CTXND1: variants seen among roughly 807,000 people sequenced by gnomAD.
CTXND1 encodes cortexin domain-containing 1 protein.
chr15:80,205,698 T>C (rs1453273039), intron 1 of CTXND1, among the ~76,000 whole-genome samples: 3 of 152,194 alleles, frequency 2.0e-5, no homozygotes, highest in Non-Finnish European at 4.4e-5. Context: ...TTTCTTACTG[T>C]TCCTTACCTT....
chr15:80,237,101 C>A (rs1893507820), intron 1 of CTXND1, among the ~76,000 whole-genome samples: 2 of 151,782 alleles, frequency 1.3e-5, no homozygotes, highest in Non-Finnish European at 2.9e-5. Flanking sequence ...TTTGGGACGC[C>A]AAGGATGGCA....
chr15:80,203,973 C>T (rs28586970), intron 1 of CTXND1, among the ~76,000 whole-genome samples: 35,749 of 149,922 alleles, frequency 0.24, 4,874 homozygotes, highest in Middle Eastern at 0.33. Context: ...AGTTCGAGAC[C>T]AGCATGGTGA....
In CTXND1 at chr15:80,196,101, C is replaced by A. The variant is rs713086; in HGVS notation, c.*5669G>T. 0.23 allele frequency: 34,647 copies of A among 152,108 alleles called. 4,075 individuals are homozygous for A. Among genetic ancestry groups the A allele is most frequent in the East Asian group, 0.29 (1,508 of 5,172 alleles). 9.4% of individuals were successfully genotyped at this position (152,108 alleles called of 1,614,324 possible). ...GGGATTCGCTAGGGCACTTGGTACT[C>A]CCTGTATCCCTTGTCCTCATTCTGT... On this transcript the variant is annotated 3_prime_UTR_variant, in exon 3 of 3. Coordinates refer to ENST00000560778, the MANE Select transcript of CTXND1 (RefSeq NM_001352888.2).
rs1220011924 is a variant in CTXND1, at chr15:80,200,304, G to C, written c.*1466C>G. The C allele has an allele frequency of 6.6e-6, 1 of 152,192 alleles. No individual in the cohort carries two copies. The highest frequency in any genetic ancestry group is 2.4e-5 in the African/African-American group (1 of 41,422). 9.4% of individuals were successfully genotyped at this position (152,192 alleles called of 1,614,324 possible). ...CATTTCGTCCTCACAACAACCTTGC[G>C]AGGTAGATGTTATTCCCTCACTTTA... On this transcript the variant is annotated 3_prime_UTR_variant, in exon 3 of 3. Coordinates refer to ENST00000560778, the MANE Select transcript of CTXND1 (RefSeq NM_001352888.2).
intron 1 of CTXND1, among the ~76,000 whole-genome samples, chr15:80,217,734 T>C (rs1432384667): frequency 6.6e-6 from 1 of 151,586 alleles, no homozygotes; most frequent in Non-Finnish European, 1.5e-5. Context: ...TTTTATAGAG[T>C]CAAGGTTTCA....
At chr15:80,231,804 A>G (rs1595908523) in intron 1 of CTXND1, among the ~76,000 whole-genome samples, 1 of 152,330 alleles carries the variant, frequency 6.6e-6, no homozygotes, top group East Asian at 1.9e-4. Context: ...TTTCCATCTT[A>G]CAAAAAGAGA....
chr15:80,238,214 G>A (rs1893524532), intron 1 of CTXND1, among the ~76,000 whole-genome samples: 1 of 151,994 alleles, frequency 6.6e-6, no homozygotes, highest in Non-Finnish European at 1.5e-5. Flanking sequence ...CTCACCCAGA[G>A]CAACTTCCAG....
chr15:80,222,646 CG>C (rs1191709334), intron 1 of CTXND1, among the ~76,000 whole-genome samples: 10 of 152,086 alleles, frequency 6.6e-5, no homozygotes, highest in Admixed American at 1.3e-4. Context: ...TTAATAGGAA[CG>C]TTTTTGAAAT....
chr15:80,250,433 G>A (rs543789880), intron 1 of CTXND1, among the ~76,000 whole-genome samples: 23 of 152,060 alleles, frequency 1.5e-4, no homozygotes, highest in African/African-American at 4.6e-4. Flanking sequence ...ATGTAATGGC[G>A]AGAAATTTGC....
intron 1 of CTXND1, among the ~76,000 whole-genome samples, chr15:80,234,748 G>C (rs547607079): frequency 6.6e-6 from 1 of 152,280 alleles, no homozygotes; most frequent in African/African-American, 2.4e-5. Flanking sequence ...AAATTGCTGG[G>C]ATTATAAGCG....
intron 1 of CTXND1, among the ~76,000 whole-genome samples, chr15:80,222,976 T>A (rs1335586659): frequency 6.6e-6 from 1 of 152,246 alleles, no homozygotes; most frequent in Admixed American, 6.5e-5. Context: ...TAGTTTTACC[T>A]GTCCTGAAAC....
chr15:80,220,132 A>G (rs953820799), intron 1 of CTXND1, among the ~76,000 whole-genome samples: 4 of 111,198 alleles, frequency 3.6e-5, no homozygotes, highest in African/African-American at 1.4e-4. Flanking sequence ...CTATCTATCT[A>G]TCTATCTATC....
At chr15:80,216,395 A>T (rs145586423) in intron 1 of CTXND1, among the ~76,000 whole-genome samples, 1 of 152,336 alleles carries the variant, frequency 6.6e-6, no homozygotes, top group African/African-American at 2.4e-5. Flanking sequence ...TTTTCCAAAG[A>T]ACACATTTCA....
intron 1 of CTXND1, among the ~76,000 whole-genome samples, chr15:80,236,803 T>C (rs964889376): frequency 6.9e-6 from 1 of 145,894 alleles, no homozygotes; most frequent in Non-Finnish European, 1.5e-5. Context: ...AAAATTATAA[T>C]GGAGCTGAAA....
At chr15:80,215,499 G>C (rs1203385342) in intron 1 of CTXND1, among the ~76,000 whole-genome samples, 1 of 152,216 alleles carries the variant, frequency 6.6e-6, no homozygotes, top group Non-Finnish European at 1.5e-5. Context: ...ATCACCAAGA[G>C]AAGGTGATTA....
At chr15:80,228,402 T>C (rs1288355543) in intron 1 of CTXND1, among the ~76,000 whole-genome samples, 3 of 152,250 alleles carry the variant, frequency 2.0e-5, no homozygotes, top group Non-Finnish European at 4.4e-5. Context: ...TCACAATCTA[T>C]GGCAGCTAGA....
At chr15:80,203,402 G>A (rs997849799) in intron 2 of CTXND1, among the ~76,000 whole-genome samples, 187 bp downstream of exon 2, 1 of 152,140 alleles carries the variant, frequency 6.6e-6, no homozygotes, top group African/African-American at 2.4e-5. Context: ...CACACCCGAG[G>A]TCCCTACATG....
At chr15:80,223,139 C>T (rs757109575) in intron 1 of CTXND1, among the ~76,000 whole-genome samples, 10 of 152,120 alleles carry the variant, frequency 6.6e-5, no homozygotes, top group African/African-American at 9.7e-5. Context: ...AATCCAATGG[C>T]GCGCTCTCGG....
Position 80,201,412 on chromosome 15 carries a change from T to C in CTXND1, c.*358A>G, listed in dbSNP as rs1015117015. 3 of 181,266 alleles carry C rather than the reference T, an allele frequency of 1.7e-5. No homozygotes were observed. The highest frequency in any genetic ancestry group is 7.0e-5 in the African/African-American group (3 of 42,686). 11.2% of individuals were successfully genotyped at this position (181,266 alleles called of 1,614,324 possible). A position where few individuals can be genotyped will look rare whatever the true frequency, so the allele number is the denominator to read the frequency against. Reference sequence around the variant, plus strand: ...TCCTCAAGACAAGACCACTGTTATGTGATGGATGGGGGGTGTCTGTTGCTG... The same window carrying C: ...TCCTCAAGACAAGACCACTGTTATGCGATGGATGGGGGGTGTCTGTTGCTG... On this transcript the variant is annotated 3_prime_UTR_variant, in exon 3 of 3. Transcript: ENST00000560778.
Sources: allele counts gnomAD v4.1 joint callset (sites outside exome capture counted in the v4.1 genomes callset), GRCh38; gene constraint gnomAD v4.1.1; transcripts MANE v1.5; gene names NCBI Gene and HGNC (gene_info 2026-07-23, HGNC 2026-07-21).